The following RASEF variants were observed in gnomAD, a reference collection of about 807,000 sequenced individuals.
The protein encoded by RASEF is ras and EF-hand domain-containing protein.
A neutral mutation model predicts 90.1 loss-of-function variants in RASEF; 68 were observed. The observed-to-expected ratio is 0.75, with a 90% CI of 0.62 to 0.92. The LOEUF (loss-of-function observed/expected upper bound fraction) is 0.92, where lower values mean the gene tolerates loss of function less well. Among genes scored for constraint, RASEF ranks in the 40% least tolerant of loss-of-function variants. The pLI is 0.00. For synonymous variants in RASEF, 331 were observed against 345.2 expected, an observed-to-expected ratio of 0.96 and a Z score of 0.46; for missense variants, 949 against 937.2, an observed-to-expected ratio of 1.01 and a Z score of -0.16.
Position 82,981,131 on chromosome 9 carries a change from A to C in RASEF, c.*1546T>G, listed in dbSNP as rs1028772053. 1.3e-5 allele frequency: 2 copies of C among 152,236 alleles called. No individual in the cohort carries two copies. The highest frequency in any genetic ancestry group is 4.8e-5 in the African/African-American group (2 of 41,476). 9.4% of individuals were successfully genotyped at this position (152,236 alleles called of 1,614,324 possible). On this transcript the variant is annotated 3_prime_UTR_variant, in exon 17 of 17. Coordinates refer to ENST00000376447, the MANE Select transcript of RASEF (RefSeq NM_152573.4). Reference sequence around the variant, plus strand: ...ATGTTTTTAGCTTATACAATACAATAAATAACAGCTACTTTTTAAGTTCCT... The same window carrying C: ...ATGTTTTTAGCTTATACAATACAATCAATAACAGCTACTTTTTAAGTTCCT...
the RASEF span, among the ~76,000 whole-genome samples, chr9:83,099,074 ACATCT>A: frequency 6.6e-6 from 1 of 152,132 alleles, no homozygotes; most frequent in Non-Finnish European, 1.5e-5. Flanking sequence ...ATCCACCCTG[ACATCT>A]ATCTCTGTCT....
At chr9:83,087,405 T>TTCTCTCCC in the RASEF span, among the ~76,000 whole-genome samples, 1 of 115,532 alleles carries the variant, frequency 8.7e-6, no homozygotes, top group African/African-American at 3.3e-5. Flanking sequence ...TTCTCATTCA[T>TTCTCTCCC]TCTCTCTCTC....
chr9:83,012,454 GT>G lies in RASEF; in HGVS notation c.822del (p.Lys274AsnfsTer18). ...SQKEDVAALK[K>X]QIYDLSMENQ... ...CTTACCATTGATAAATCATAAATTT[GT>G]TTTTTCAATGCAGCCACATCTTCCT... On this transcript the variant is annotated frameshift_variant, in exon 5 of 17. Coordinates refer to ENST00000376447, the MANE Select transcript of RASEF (RefSeq NM_152573.4). LOFTEE classifies it high-confidence loss of function. The G allele has an allele frequency of 6.3e-7, 1 of 1,579,294 alleles. No homozygotes were observed. The highest frequency in any genetic ancestry group is 8.6e-7 in the Non-Finnish European group (1 of 1,160,306).
the RASEF span, among the ~76,000 whole-genome samples, chr9:83,133,615 C>G: frequency 6.6e-6 from 1 of 152,108 alleles, no homozygotes; most frequent in Non-Finnish European, 1.5e-5. Context: ...AGAGCTAGGA[C>G]TGGGATGAAG....
At chr9:83,159,640 T>C in the RASEF span, among the ~76,000 whole-genome samples, 277 of 152,354 alleles carry the variant, frequency 1.8e-3, 12 homozygotes, top group East Asian at 0.049. Context: ...TTATATTCTA[T>C]GTTGAAATGA....
intron 1 of RASEF, among the ~76,000 whole-genome samples, chr9:83,059,181 T>G (rs144048148): frequency 2.2e-4 from 33 of 149,566 alleles, no homozygotes; most frequent in African/African-American, 7.9e-4. Flanking sequence ...CAAATGGGAG[T>G]TGAGAAAAAA....
the RASEF span, among the ~76,000 whole-genome samples, chr9:83,090,126 T>C: frequency 6.6e-6 from 1 of 152,204 alleles, no homozygotes; most frequent in Non-Finnish European, 1.5e-5. Context: ...AAATATGCTG[T>C]TGAGCCCCTC....
chr9:83,209,491 T>G, the RASEF span, among the ~76,000 whole-genome samples: 1 of 152,242 alleles, frequency 6.6e-6, no homozygotes, highest in Non-Finnish European at 1.5e-5. Context: ...GGCTTCCAGA[T>G]GAGCAAATTT....
chr9:83,079,262 C>G, the RASEF span, among the ~76,000 whole-genome samples: 1 of 152,162 alleles, frequency 6.6e-6, no homozygotes, highest in African/African-American at 2.4e-5. Context: ...CTTTAATCTT[C>G]TGCATATGAC....
intron 14 of RASEF, among the ~76,000 whole-genome samples, chr9:82,993,426 T>C (rs1828852039): frequency 6.6e-6 from 1 of 152,164 alleles, no homozygotes; most frequent in African/African-American, 2.4e-5. Flanking sequence ...CAATATAAAC[T>C]CAAAAGGCAT....
At chr9:83,175,805 C>G in the RASEF span, among the ~76,000 whole-genome samples, 1 of 152,220 alleles carries the variant, frequency 6.6e-6, no homozygotes, top group South Asian at 2.1e-4. Context: ...TGGTCTTGAT[C>G]TCCTGACCTT....
At chr9:83,207,627 C>T in the RASEF span, among the ~76,000 whole-genome samples, 3 of 46,872 alleles carry the variant, frequency 6.4e-5, no homozygotes, top group Non-Finnish European at 8.0e-5. Flanking sequence ...TTTTTTGAGA[C>T]GGAGTCTTGC....
chr9:83,089,102 C>T, the RASEF span, among the ~76,000 whole-genome samples: 26 of 152,000 alleles, frequency 1.7e-4, no homozygotes, highest in East Asian at 2.5e-3. Flanking sequence ...CTAGAAATTG[C>T]AAGTAATGCC....
At chr9:83,191,280 A>C in the RASEF span, among the ~76,000 whole-genome samples, 1 of 152,180 alleles carries the variant, frequency 6.6e-6, no homozygotes, top group Non-Finnish European at 1.5e-5. Context: ...ATTTGCTAAC[A>C]AAGACTCCAG....
the RASEF span, among the ~76,000 whole-genome samples, chr9:83,177,985 G>T: frequency 1.3e-5 from 2 of 151,692 alleles, no homozygotes; most frequent in South Asian, 4.2e-4. Context: ...ATTTATTCAA[G>T]CTTACTAATT....
the RASEF span, among the ~76,000 whole-genome samples, chr9:83,112,515 T>C: frequency 6.6e-6 from 1 of 152,074 alleles, no homozygotes; most frequent in Non-Finnish European, 1.5e-5. Flanking sequence ...AGAAACCCCG[T>C]CTCTACTAAA....
the RASEF span, among the ~76,000 whole-genome samples, chr9:83,166,371 A>G: frequency 6.6e-6 from 1 of 152,276 alleles, no homozygotes; most frequent in African/African-American, 2.4e-5. Flanking sequence ...CAGACACACT[A>G]GGAGAAAGAA....
At chr9:83,115,248 C>T in the RASEF span, among the ~76,000 whole-genome samples, 10 of 151,992 alleles carry the variant, frequency 6.6e-5, no homozygotes, top group Non-Finnish European at 1.0e-4. Flanking sequence ...CCCCAATAAA[C>T]CTGATATCTA....
chr9:83,081,087 C>A, the RASEF span, among the ~76,000 whole-genome samples: 3 of 152,222 alleles, frequency 2.0e-5, no homozygotes, highest in African/African-American at 7.2e-5. Context: ...CCACGATGAT[C>A]CTCAGGCAGG....
Sources: allele counts gnomAD v4.1 joint callset (sites outside exome capture counted in the v4.1 genomes callset), GRCh38; gene constraint gnomAD v4.1.1; transcripts MANE v1.5; gene names NCBI Gene and HGNC (gene_info 2026-07-23, HGNC 2026-07-21).